The following NECAB1 variants were observed in gnomAD, a reference collection of about 807,000 sequenced individuals.
NECAB1 encodes N-terminal EF-hand calcium binding protein 1.
Under a neutral mutation model 57.5 loss-of-function variants are expected in NECAB1, and 29 were observed. The observed-to-expected ratio is 0.50, with a 90% CI of 0.38 to 0.69. The LOEUF (loss-of-function observed/expected upper bound fraction) is 0.69, where lower values mean the gene tolerates loss of function less well. Ranked by LOEUF, NECAB1 falls within the 30% of genes least tolerant of loss-of-function variation. The pLI is 0.00. For synonymous variants in NECAB1, 142 were observed against 147.7 expected, an observed-to-expected ratio of 0.96 and a Z score of 0.28; for missense variants, 372 against 413.8, an observed-to-expected ratio of 0.90 and a Z score of 0.88.
intron 3 of NECAB1, among the ~76,000 whole-genome samples, chr8:90,833,288 T>A (rs1432486809): frequency 6.6e-6 from 1 of 152,166 alleles, no homozygotes; most frequent in East Asian, 1.9e-4. Context: ...GTTTTACTGT[T>A]TCCTTTAATC....
chr8:90,828,184 G>T (rs1812253785), intron 3 of NECAB1, among the ~76,000 whole-genome samples: 2 of 148,326 alleles, frequency 1.3e-5, no homozygotes, highest in Admixed American at 6.7e-5. Flanking sequence ...TTTTCAGTCA[G>T]GTTTTCTCTC....
chr8:90,941,406 ATCTTT>A (rs1414478415), intron 10 of NECAB1, among the ~76,000 whole-genome samples: 1 of 152,220 alleles, frequency 6.6e-6, no homozygotes, highest in Non-Finnish European at 1.5e-5. Flanking sequence ...GCAGCAGCAG[ATCTTT>A]TCTTTCCTCT....
chr8:90,885,101 C>T (rs1380804821), intron 5 of NECAB1, among the ~76,000 whole-genome samples: 1 of 152,176 alleles, frequency 6.6e-6, no homozygotes, highest in Non-Finnish European at 1.5e-5. Flanking sequence ...AGAGCCCTAA[C>T]CCTTCTAATT....
chr8:90,798,705 G>C (rs1413287772), intron 1 of NECAB1, among the ~76,000 whole-genome samples: 1 of 152,116 alleles, frequency 6.6e-6, no homozygotes, highest in African/African-American at 2.4e-5. Flanking sequence ...ACCACTGATG[G>C]GCACTTAAGT....
chr8:90,867,340 G>A (rs1808537832), intron 3 of NECAB1, among the ~76,000 whole-genome samples: 1 of 152,118 alleles, frequency 6.6e-6, no homozygotes, highest in Non-Finnish European at 1.5e-5. Flanking sequence ...CCATTCTGAG[G>A]AAAACAAATA....
intron 2 of NECAB1, among the ~76,000 whole-genome samples, chr8:90,821,096 G>GT (rs1452873456): frequency 6.6e-6 from 1 of 151,656 alleles, no homozygotes; most frequent in Non-Finnish European, 1.5e-5. Flanking sequence ...CTTGGTATTG[G>GT]TAACTCCCAA....
intron 2 of NECAB1, among the ~76,000 whole-genome samples, chr8:90,803,488 A>T (rs539292350): frequency 6.6e-6 from 1 of 152,034 alleles, no homozygotes; most frequent in South Asian, 2.1e-4. Flanking sequence ...TCTTCTTTCC[A>T]TCAAAATTAG....
chr8:90,809,674 T>A (rs1015434200), intron 2 of NECAB1, among the ~76,000 whole-genome samples: 1 of 152,232 alleles, frequency 6.6e-6, no homozygotes, highest in African/African-American at 2.4e-5. Context: ...TTTATGGTTA[T>A]GAAAGTGCCT....
chr8:90,873,374 C>T (rs1403821400), intron 4 of NECAB1, among the ~76,000 whole-genome samples: 3 of 152,192 alleles, frequency 2.0e-5, no homozygotes, highest in African/African-American at 7.2e-5. Context: ...ATTGTGCACA[C>T]ATGGTTAAGT....
At chr8:90,843,676 A>T (rs957851539) in intron 3 of NECAB1, among the ~76,000 whole-genome samples, 3 of 152,240 alleles carry the variant, frequency 2.0e-5, no homozygotes, top group African/African-American at 7.2e-5. Context: ...GCTTAAACAG[A>T]TATTTATTGA....
chr8:90,890,772 C>T lies in NECAB1; in HGVS notation c.357+9642C>T, dbSNP rs148721889. On this transcript the variant is annotated intron_variant, in intron 5 of 12. Coordinates refer to ENST00000417640, the MANE Select transcript of NECAB1 (RefSeq NM_022351.5). ...CCTGAAAAACAACTCAGTTTATTCA[C>T]GGGTTCAGCAGAAATTCCATTCTAG... is the stretch of plus-strand genomic sequence containing the variant. 2.0e-3 allele frequency among the ~76,000 whole-genome samples: 298 copies of T among 152,228 alleles called. 1 individual carries two copies. The highest frequency in any genetic ancestry group is 6.8e-3 in the African/African-American group (282 of 41,540).
intron 7 of NECAB1, 70 bp from the exon 8 acceptor site, chr8:90,928,153 T>G: frequency 1.7e-6 from 2 of 1,172,166 alleles, no homozygotes; most frequent in Middle Eastern, 1.9e-4. Flanking sequence ...AGGAAAGCTC[T>G]GATATAACCA....
At chr8:90,946,047 C>G (rs1404292486) in intron 10 of NECAB1, among the ~76,000 whole-genome samples, 1 of 152,196 alleles carries the variant, frequency 6.6e-6, no homozygotes, top group African/African-American at 2.4e-5. Context: ...ACAAATCTTT[C>G]TAAAAATTAT....
At chr8:90,809,110 C>T (rs1250999199) in intron 2 of NECAB1, among the ~76,000 whole-genome samples, 1 of 152,174 alleles carries the variant, frequency 6.6e-6, no homozygotes, top group African/African-American at 2.4e-5. Context: ...TTCAGCTTTT[C>T]TTATTGTTTG....
chr8:90,847,842 A>T (rs1563504038), intron 3 of NECAB1, among the ~76,000 whole-genome samples: 1 of 152,206 alleles, frequency 6.6e-6, no homozygotes, highest in African/African-American at 2.4e-5. Context: ...TGCACACAGC[A>T]GGGGCCTCTG....
intron 2 of NECAB1, among the ~76,000 whole-genome samples, chr8:90,808,184 CA>C (rs2129661510): frequency 6.6e-6 from 1 of 152,222 alleles, no homozygotes; most frequent in Non-Finnish European, 1.5e-5. Flanking sequence ...AAATGGCTCC[CA>C]AGGGCTGTCA....
intron 2 of NECAB1, among the ~76,000 whole-genome samples, chr8:90,809,899 G>C (rs1449383571): frequency 2.0e-5 from 3 of 152,082 alleles, no homozygotes; most frequent in African/African-American, 7.2e-5. Context: ...GACTTTACAA[G>C]AAAATATTAC....
At chr8:90,952,780 A>G (rs1359533577) in intron 12 of NECAB1, among the ~76,000 whole-genome samples, 1 of 118,650 alleles carries the variant, frequency 8.4e-6, no homozygotes, top group African/African-American at 4.0e-5. Context: ...TCCATGTCAA[A>G]AAACAATAAT....
intron 10 of NECAB1, among the ~76,000 whole-genome samples, chr8:90,942,027 T>G (rs1218188492): frequency 1.3e-5 from 2 of 152,228 alleles, no homozygotes; most frequent in Non-Finnish European, 2.9e-5. Context: ...ACTTCATGTC[T>G]CTGGGTGTTT....
Sources: allele counts gnomAD v4.1 joint callset (sites outside exome capture counted in the v4.1 genomes callset), GRCh38; gene constraint gnomAD v4.1.1; transcripts MANE v1.5; gene names NCBI Gene and HGNC (gene_info 2026-07-23, HGNC 2026-07-21).